IL17RD: variants seen among roughly 807,000 people sequenced by gnomAD.
IL17RD encodes interleukin 17 receptor D.
IL17RD carries 52 observed loss-of-function variants against 80.5 expected under a neutral mutation model. The ratio of observed to expected loss-of-function variants is 0.65; its 90% CI spans 0.52 to 0.81. The LOEUF is 0.81. Among genes scored for constraint, IL17RD ranks in the 40% least tolerant of loss-of-function variants. The probability of loss-of-function intolerance (pLI) is 0.00; values close to 1 mark genes in which losing one functional copy is unlikely to be tolerated. For synonymous variants in IL17RD, 416 were observed against 391.8 expected, an observed-to-expected ratio of 1.06 and a Z score of -0.73; for missense variants, 1,024 against 955.1, an observed-to-expected ratio of 1.07 and a Z score of -0.95.
intron 10 of IL17RD, among the ~76,000 whole-genome samples, chr3:57,101,723 T>G (rs6762540): frequency 6.6e-6 from 1 of 152,136 alleles, no homozygotes; most frequent in Non-Finnish European, 1.5e-5. Flanking sequence ...TGATTTTTTT[T>G]AAAAGTTTTT....
rs1559465402 is a variant in IL17RD at position 57,098,318 on chromosome 3, C to A, written c.1385G>T (p.Arg462Leu). 3 of 1,613,956 alleles carry A rather than the reference C, an allele frequency of 1.9e-6. No homozygotes were observed. In the Admixed American group the frequency reaches 5.0e-5, roughly 27 times the overall value. ...VAVSAIAEKL[R>L]QAKQSSSAAL... ...CGCGGACGAACTCTGCTTGGCCTGG[C>A]GGAGCTTTTCGGCAATGGCTGACAC... The change falls in exon 12 of 13, where the codon CGC (arginine) becomes CTC (leucine). Residue 462 changes from arginine (R) to leucine (L), a missense_variant. Arg to Leu is a moderately radical substitution (Grantham distance 102). Transcript: ENST00000296318.
In IL17RD at chr3:57,091,171, A is replaced by C. The variant is rs1025480786; in HGVS notation, c.*5222T>G. 1.3e-5 allele frequency: 2 copies of C among 152,650 alleles called. No homozygotes were observed. Among genetic ancestry groups the C allele is most frequent in the Non-Finnish European group, 2.9e-5 (2 of 68,038 alleles). The allele number at this position is 152,650 out of a possible 1,614,324, so 9.5% of individuals were successfully genotyped here. A position where few individuals can be genotyped will look rare whatever the true frequency, so the allele number is the denominator to read the frequency against. ...TTTAATATTGTGAGTCATGAAATAA[A>C]GGTGATATCTATAGAGATGTGTAAA... On this transcript the variant is annotated 3_prime_UTR_variant, in exon 13 of 13. Transcript: ENST00000296318.
rs1309339339 is a variant in IL17RD, at chr3:57,097,685, T to G, written c.2018A>C (p.Glu673Ala). 4 of 1,606,312 alleles carry G rather than the reference T, an allele frequency of 2.5e-6. No homozygotes were observed. The South Asian group carries it at 4.5e-5, about 18-fold the overall frequency. The change falls in exon 12 of 13, where the codon GAG (glutamate) becomes GCG (alanine). Residue 673 changes from glutamate (E) to alanine (A), a missense_variant. Physicochemically the swap from Glu to Ala is moderately radical, Grantham distance 107. Transcript: ENST00000296318. ...TCCTTCCATCAGTGGCAGAGACAGC[T>G]CGGATGAGGGCACAGACGAGTCATA... ...GIYDSSVPSS[E>A]LSLPLMEGLS...
intron 1 of IL17RD, among the ~76,000 whole-genome samples, chr3:57,124,829 C>A (rs939285423): frequency 2.0e-5 from 3 of 152,196 alleles, no homozygotes; most frequent in African/African-American, 7.2e-5. Context: ...ACGGCACGTG[C>A]TGTCATTCCT....
At chr3:57,159,365 T>C (rs770723568) in intron 1 of IL17RD, among the ~76,000 whole-genome samples, 1 of 151,964 alleles carries the variant, frequency 6.6e-6, no homozygotes, top group Non-Finnish European at 1.5e-5. Flanking sequence ...GGGTTTAGAG[T>C]GGCAGAGGGG....
chr3:57,160,166 C>T (rs1050659997), intron 1 of IL17RD, among the ~76,000 whole-genome samples: 1 of 151,772 alleles, frequency 6.6e-6, no homozygotes, highest in African/African-American at 2.4e-5. Context: ...AGCGAAACTC[C>T]GTCTCAAAAA....
At chr3:57,161,045 G>A (rs994242292) in intron 1 of IL17RD, among the ~76,000 whole-genome samples, 2 of 152,182 alleles carry the variant, frequency 1.3e-5, no homozygotes, top group Non-Finnish European at 2.9e-5. Flanking sequence ...TGAGGTTGGG[G>A]AGAGAAGGGA....
At chr3:57,128,700 T>C (rs1030784023) in intron 1 of IL17RD, among the ~76,000 whole-genome samples, 6 of 152,168 alleles carry the variant, frequency 3.9e-5, no homozygotes, top group African/African-American at 1.4e-4. Flanking sequence ...TTTTTAATGT[T>C]CTTCCCCACG....
At position 57,098,019 on chromosome 3, in the gene IL17RD, T is replaced by C; in HGVS notation, c.1684A>G (p.Lys562Glu). ...GGAGGATGGAAGGGAACGAACTGCT[T>C]TTCGAACCAGTCGGGCTCCTCGTCA... ...FIDEEPDWFE[K>E]QFVPFHPPPL... The change falls in exon 12 of 13, where the codon AAG becomes GAG. Residue 562 changes from lysine (K) to glutamate (E), a missense_variant. By Grantham distance (56) the Lys-to-Glu change is moderately conservative. Coordinates refer to ENST00000296318, the MANE Select transcript of IL17RD (RefSeq NM_017563.5). The C allele has an allele frequency of 1.2e-6, 2 of 1,613,986 alleles. No individual in the cohort carries two copies. The highest frequency in any genetic ancestry group is 2.2e-5 in the South Asian group (2 of 91,066).
Position 57,127,233 on chromosome 3 carries a change from A to T in IL17RD, c.127-6920T>A, listed in dbSNP as rs867017570. Among the ~76,000 whole-genome samples, 232 of 86,790 alleles carry T rather than the reference A, an allele frequency of 2.7e-3. 11 individuals are homozygous for T. The highest frequency in any genetic ancestry group is 0.011 in the African/African-American group (182 of 16,850). 56.9% of individuals were successfully genotyped at this position (86,790 alleles called of 152,430 possible). A position where few individuals can be genotyped will look rare whatever the true frequency, so the allele number is the denominator to read the frequency against. On this transcript the variant is annotated intron_variant, in intron 1 of 12. Coordinates refer to ENST00000296318, the MANE Select transcript of IL17RD (RefSeq NM_017563.5). ...AAAAATATATATAAATATATATAAAAATATATAAATATATATATAAATATA... is the reference window on the plus strand; with the variant it reads ...AAAAATATATATAAATATATATAAATATATATAAATATATATATAAATATA...
chr3:57,147,397 G>C (rs1036708945), intron 1 of IL17RD, among the ~76,000 whole-genome samples: 9 of 152,182 alleles, frequency 5.9e-5, no homozygotes, highest in African/African-American at 1.2e-4. Flanking sequence ...GCTGGGATTC[G>C]TGAAACAAAC....
rs748533114 is a variant in IL17RD at position 57,098,101 on chromosome 3, G to A, written c.1602C>T (p.Phe534=). The stretch of plus-strand genomic sequence containing the variant: ...ATAGGGACCGGCCTGACTTGCTCCG[G>A]AAGTAGTTCCTTCTGCTGCCCTGTC... ...HTRQGSRRNY[F]RSKSGRSLYV... is the part of the protein sequence containing the mutation. The change falls in exon 12 of 13, where the codon TTC becomes TTT. Residue 534 remains phenylalanine (F), a synonymous_variant. Coordinates refer to ENST00000296318, the MANE Select transcript of IL17RD (RefSeq NM_017563.5). The A allele has an allele frequency of 1.9e-6, 3 of 1,613,994 alleles. No individual in the cohort carries two copies. The highest frequency in any genetic ancestry group is 2.2e-5 in the South Asian group (2 of 91,084).
chr3:57,120,173 CAG>C, intron 2 of IL17RD, 81 bp downstream of exon 2: 1 of 1,140,828 alleles, frequency 8.8e-7, no homozygotes, highest in Non-Finnish European at 1.3e-6. Context: ...CCCAAGACTG[CAG>C]AGTCCTTGAT....
chr3:57,127,229 T>TAA (rs1331028190), intron 1 of IL17RD, among the ~76,000 whole-genome samples: 3 of 104,452 alleles, frequency 2.9e-5, no homozygotes, highest in African/African-American at 4.6e-5. Flanking sequence ...TAAATATATA[T>TAA]AAAAATATAT....
intron 2 of IL17RD, among the ~76,000 whole-genome samples, chr3:57,119,063 G>A (rs1218782233): frequency 6.6e-6 from 1 of 151,452 alleles, no homozygotes; most frequent in Non-Finnish European, 1.5e-5. Flanking sequence ...AAAACTAACT[G>A]GGTGTGTGGC....
chr3:57,102,156 C>G (rs1706845930), intron 10 of IL17RD, among the ~76,000 whole-genome samples: 1 of 152,164 alleles, frequency 6.6e-6, no homozygotes. Flanking sequence ...TAGTCCCCAG[C>G]TACCTCAGGG....
rs1706560553 is a variant in IL17RD at position 57,091,773 on chromosome 3, G to C, written c.*4620C>G. On this transcript the variant is annotated 3_prime_UTR_variant, in exon 13 of 13. Coordinates refer to ENST00000296318, the MANE Select transcript of IL17RD (RefSeq NM_017563.5). ...CATACAAAGAACTATCTGATCAGCAGGGTAGGTTACAGAATCTCCTTCTTA... is the reference window on the plus strand; with the variant it reads ...CATACAAAGAACTATCTGATCAGCACGGTAGGTTACAGAATCTCCTTCTTA... 6.6e-6 allele frequency: 1 copy of C among 152,228 alleles called. No homozygotes were observed. The highest frequency in any genetic ancestry group is 2.1e-4 in the South Asian group (1 of 4,826). The allele number at this position is 152,228 out of a possible 1,614,324, so 9.4% of individuals were successfully genotyped here. A position where few individuals can be genotyped will look rare whatever the true frequency, so the allele number is the denominator to read the frequency against.
At chr3:57,119,250 G>T in intron 2 of IL17RD, among the ~76,000 whole-genome samples, 1 of 152,228 alleles carries the variant, frequency 6.6e-6, no homozygotes, top group East Asian at 1.9e-4. Flanking sequence ...TACTCGGGAG[G>T]CTGAGGCAGG....
At position 57,098,021 on chromosome 3, in the gene IL17RD, T is replaced by C; in HGVS notation, c.1682A>G (p.Glu561Gly). 6.2e-7 allele frequency: 1 copy of C among 1,614,056 alleles called. No homozygotes were observed. The change falls in exon 12 of 13, where the codon GAA becomes GGA. Residue 561 changes from glutamate to glycine, a missense_variant. Transcript: ENST00000296318. ...AGGATGGAAGGGAACGAACTGCTTT[T>C]CGAACCAGTCGGGCTCCTCGTCAAT... ...QFIDEEPDWF[E>G]KQFVPFHPPP...
Sources: gnomAD v4.1 joint callset for allele counts (sites outside exome capture counted in the v4.1 genomes callset) on GRCh38, gnomAD v4.1.1 for gene constraint, MANE v1.5 for transcripts, NCBI Gene and HGNC (gene_info 2026-07-23, HGNC 2026-07-21) for gene names.